FHIT: variants seen among roughly 807,000 people sequenced by gnomAD.
The protein encoded by FHIT is bis(5'-adenosyl)-triphosphatase.
In FHIT, 19 loss-of-function variants were observed where a neutral mutation model predicts 17.9. The observed-to-expected ratio is 1.06, with a 90% CI of 0.74 to 1.56. The LOEUF (loss-of-function observed/expected upper bound fraction) is 1.56. Ranked by LOEUF, FHIT falls within the 40% of genes most tolerant of loss-of-function variation. The pLI, the probability that FHIT is intolerant of heterozygous loss-of-function variation, is 0.00. For synonymous variants in FHIT, 81 were observed against 69.7 expected, an observed-to-expected ratio of 1.16 and a Z score of -0.81; for missense variants, 248 against 189.2, an observed-to-expected ratio of 1.31 and a Z score of -1.82.
intron 3 of FHIT, among the ~76,000 whole-genome samples, chr3:60,889,622 C>A (rs1287971739): frequency 1.3e-5 from 2 of 152,120 alleles, no homozygotes; most frequent in African/African-American, 4.8e-5. Flanking sequence ...AGCTTAGAAG[C>A]TTTCATGCTA....
Position 60,104,175 on chromosome 3 carries a change from T to C in FHIT, c.104-90023A>G, listed in dbSNP as rs146111040. 8.6e-4 allele frequency among the ~76,000 whole-genome samples: 131 copies of C among 152,288 alleles called. 1 individual carries two copies. The highest frequency in any genetic ancestry group is 7.5e-3 in the Admixed American group (114 of 15,302). The stretch of plus-strand genomic sequence containing the variant: ...AACCAGTATACTATAAATTAAACAA[T>C]GTAGCATCAAAGATAACTTTTCCTT... On this transcript the variant is annotated intron_variant, in intron 5 of 9. Coordinates refer to ENST00000492590, the MANE Select transcript of FHIT (RefSeq NM_002012.4).
intron 5 of FHIT, among the ~76,000 whole-genome samples, chr3:60,165,824 A>G (rs1330837034): frequency 6.6e-6 from 1 of 152,188 alleles, no homozygotes; most frequent in South Asian, 2.1e-4. Context: ...TACAGGTCCC[A>G]CTACTGAGAG....
intron 4 of FHIT, among the ~76,000 whole-genome samples, chr3:60,731,459 G>T (rs2042027862): frequency 6.6e-6 from 1 of 152,170 alleles, no homozygotes; most frequent in Non-Finnish European, 1.5e-5. Context: ...TTGACTTGGG[G>T]TTTCATATAT....
At chr3:60,351,925 G>T (rs1165453891) in intron 5 of FHIT, among the ~76,000 whole-genome samples, 1 of 152,140 alleles carries the variant, frequency 6.6e-6, no homozygotes, top group African/African-American at 2.4e-5. Flanking sequence ...CCCTGAAGAA[G>T]CCTTCTTTGA....
intron 5 of FHIT, among the ~76,000 whole-genome samples, chr3:60,416,030 CTTAA>C (rs1413008503): frequency 1.3e-5 from 2 of 151,030 alleles, no homozygotes; most frequent in East Asian, 3.9e-4. Context: ...TACATGTTAT[CTTAA>C]TTCTTATTAA....
chr3:61,239,649 C>G (rs771930856), intron 1 of FHIT, among the ~76,000 whole-genome samples: 4 of 151,622 alleles, frequency 2.6e-5, no homozygotes, highest in African/African-American at 9.7e-5. Flanking sequence ...TCCATGAGGG[C>G]AGTGCTGATA....
rs555712154 is a variant in FHIT at position 59,975,056 on chromosome 3, TTC to T, written c.279+36313_279+36314del. ...TTACTTATTTTTTTGTGGGCCCTCA[TTC>T]CCCTCAACCAAAATGCAAACTAAGA... On this transcript the variant is annotated intron_variant, in intron 7 of 9. Coordinates refer to ENST00000492590, the MANE Select transcript of FHIT (RefSeq NM_002012.4). 9.2e-5 allele frequency among the ~76,000 whole-genome samples: 14 copies of T among 152,068 alleles called. No individual in the cohort carries two copies. The South Asian group carries it at 2.9e-3, about 32-fold the overall frequency.
At chr3:60,758,653 A>C (rs1437879120) in intron 4 of FHIT, among the ~76,000 whole-genome samples, 1 of 152,260 alleles carries the variant, frequency 6.6e-6, no homozygotes, top group East Asian at 1.9e-4. Flanking sequence ...GCTGTCGCTT[A>C]AAAATTTAGA....
At chr3:61,213,690 C>T (rs944213003) in intron 1 of FHIT, among the ~76,000 whole-genome samples, 2 of 152,212 alleles carry the variant, frequency 1.3e-5, no homozygotes, top group African/African-American at 4.8e-5. Context: ...CATCCCAAAA[C>T]AACAGAACAT....
chr3:60,033,882 A>G (rs1456834587), intron 5 of FHIT, among the ~76,000 whole-genome samples: 1 of 152,246 alleles, frequency 6.6e-6, no homozygotes, highest in Non-Finnish European at 1.5e-5. Flanking sequence ...ATTATCATTT[A>G]TGTTCTCAAA....
chr3:59,952,711 T>G (rs1382967600), intron 7 of FHIT, among the ~76,000 whole-genome samples: 1 of 152,210 alleles, frequency 6.6e-6, no homozygotes, highest in Non-Finnish European at 1.5e-5. Flanking sequence ...TCAACAAATC[T>G]GAAAAGTCTA....
intron 5 of FHIT, among the ~76,000 whole-genome samples, chr3:60,165,275 G>T (rs1701120568): frequency 2.0e-5 from 3 of 152,164 alleles, no homozygotes; most frequent in African/African-American, 4.8e-5. Flanking sequence ...ATGAATGCCT[G>T]CCCAAGCATT....
intron 7 of FHIT, among the ~76,000 whole-genome samples, chr3:59,957,808 T>C (rs1707477443): frequency 6.6e-6 from 1 of 152,224 alleles, no homozygotes; most frequent in African/African-American, 2.4e-5. Context: ...ATGTTGGAAC[T>C]TGACTGTTTT....
rs940789572 is a variant in FHIT, at chr3:60,126,324, C to T, written c.104-112172G>A. 7.2e-5 allele frequency among the ~76,000 whole-genome samples: 11 copies of T among 152,140 alleles called. No homozygotes were observed. The South Asian group carries it at 8.3e-4, about 11-fold the overall frequency. The stretch of plus-strand genomic sequence containing the variant: ...AAACCCCACCAGTGCCTCTCTATAT[C>T]GTCCCTTTATAAAGAAGTTCTCTGG... On this transcript the variant is annotated intron_variant, in intron 5 of 9. Coordinates refer to ENST00000492590, the MANE Select transcript of FHIT (RefSeq NM_002012.4).
Position 60,228,396 on chromosome 3 carries a change from G to C in FHIT, c.104-214244C>G, listed in dbSNP as rs1045775951. 2.4e-4 allele frequency among the ~76,000 whole-genome samples: 36 copies of C among 152,264 alleles called. 1 individual carries two copies. The highest frequency in any genetic ancestry group is 8.2e-4 in the African/African-American group (34 of 41,542). On this transcript the variant is annotated intron_variant, in intron 5 of 9. Coordinates refer to ENST00000492590, the MANE Select transcript of FHIT (RefSeq NM_002012.4). The stretch of plus-strand genomic sequence containing the variant: ...CTGGAACTATTAATAGACAGGAGTA[G>C]TTATGATTGTATGACCTTGGGAATA...
At chr3:61,245,868 G>A (rs1310324255) in intron 1 of FHIT, among the ~76,000 whole-genome samples, 2 of 152,092 alleles carry the variant, frequency 1.3e-5, no homozygotes, top group Non-Finnish European at 2.9e-5. Context: ...TCTTCAATAG[G>A]GGCTGAGTAA....
intron 5 of FHIT, among the ~76,000 whole-genome samples, chr3:60,282,186 T>C (rs1250482330): frequency 2.6e-5 from 4 of 152,198 alleles, no homozygotes; most frequent in Non-Finnish European, 4.4e-5. Context: ...TGAAAACTAA[T>C]GTTCACACAA....
intron 1 of FHIT, among the ~76,000 whole-genome samples, chr3:61,225,833 G>C (rs1233372302): frequency 6.6e-6 from 1 of 152,110 alleles, no homozygotes; most frequent in Non-Finnish European, 1.5e-5. Flanking sequence ...TAAATAAAAA[G>C]CTTCCTGTTA....
chr3:60,025,206 C>T (rs1327015161), intron 5 of FHIT, among the ~76,000 whole-genome samples: 1 of 152,148 alleles, frequency 6.6e-6, no homozygotes, highest in Non-Finnish European at 1.5e-5. Flanking sequence ...CCAGAAATAA[C>T]TAGAGCAGAG....
Sources: allele counts gnomAD v4.1 joint callset (sites outside exome capture counted in the v4.1 genomes callset), GRCh38; gene constraint gnomAD v4.1.1; transcripts MANE v1.5; gene names NCBI Gene and HGNC (gene_info 2026-07-23, HGNC 2026-07-21).